DIAPH2: variants seen among roughly 807,000 people sequenced by gnomAD.
The protein encoded by DIAPH2 is protein diaphanous homolog 2.
DIAPH2 carries 35 observed loss-of-function variants against 92.7 expected under a neutral mutation model. The ratio of observed to expected loss-of-function variants is 0.38; its 90% CI spans 0.29 to 0.50. The LOEUF (loss-of-function observed/expected upper bound fraction) is 0.50, where lower values mean the gene tolerates loss of function less well. DIAPH2 is among the 20% of genes least tolerant of loss of function. The pLI is 0.94. For synonymous variants in DIAPH2, 301 were observed against 280.4 expected (o/e 1.07, Z -0.73); for missense variants, 701 against 819.5 (o/e 0.86, Z 1.77).
chrX:97,069,114 C>T (rs921422358), intron 17 of DIAPH2, among the ~76,000 whole-genome samples: 29 of 110,652 alleles, frequency 2.6e-4, no homozygotes, highest in Admixed American at 9.7e-4. Flanking sequence ...AGGCGCCCAC[C>T]ACCACGCCCG....
intron 23 of DIAPH2, among the ~76,000 whole-genome samples, chrX:97,248,934 T>G (rs1444496012): frequency 2.7e-5 from 3 of 111,938 alleles, no homozygotes; most frequent in African/African-American, 9.7e-5. Context: ...AGTACCTTCA[T>G]GAATACAAAT....
intron 17 of DIAPH2, among the ~76,000 whole-genome samples, chrX:97,010,760 T>G (rs2066219785): frequency 8.9e-6 from 1 of 112,206 alleles, no homozygotes. Flanking sequence ...ACAACTACGG[T>G]ATGATCTAAG....
intron 26 of DIAPH2, among the ~76,000 whole-genome samples, chrX:97,555,610 C>A (rs2071251671): frequency 9.0e-6 from 1 of 111,069 alleles, no homozygotes; most frequent in Admixed American, 9.6e-5. Context: ...TCAGGGAAAT[C>A]AATGTCAGTA....
intron 22 of DIAPH2, among the ~76,000 whole-genome samples, chrX:97,229,974 G>T (rs1275131759): frequency 2.3e-4 from 25 of 108,124 alleles, no homozygotes; most frequent in African/African-American, 7.7e-4. Flanking sequence ...TTAAGACAGG[G>T]TTTATAGAGA....
At chrX:96,704,493 TTCTC>T (rs759235125) in intron 1 of DIAPH2, among the ~76,000 whole-genome samples, 1 of 111,826 alleles carries the variant, frequency 8.9e-6, no homozygotes, top group East Asian at 2.8e-4. Flanking sequence ...GTTTATTTCT[TTCTC>T]AGTGACCTTC....
At chrX:97,570,921 T>G (rs1488700265) in intron 26 of DIAPH2, among the ~76,000 whole-genome samples, 3 of 111,920 alleles carry the variant, frequency 2.7e-5, no homozygotes, top group Admixed American at 1.9e-4. Flanking sequence ...ACTAATCAAT[T>G]TATAATCTGA....
chrX:96,885,302 ACT>A (rs1358920865), intron 5 of DIAPH2: 2 of 390,078 alleles, frequency 5.1e-6, no homozygotes, highest in Middle Eastern at 7.0e-4. Flanking sequence ...TAAATTGACA[ACT>A]CTGTAGGATT....
intron 25 of DIAPH2, among the ~76,000 whole-genome samples, chrX:97,425,155 G>A (rs191574431): frequency 9.0e-6 from 1 of 111,147 alleles, no homozygotes; most frequent in African/African-American, 3.3e-5. Context: ...CACTTGTGCT[G>A]TTGTCCTCAC....
At chrX:97,557,086 A>G (rs2147866777) in intron 26 of DIAPH2, among the ~76,000 whole-genome samples, 1 of 112,085 alleles carries the variant, frequency 8.9e-6, no homozygotes, top group Non-Finnish European at 1.9e-5. Flanking sequence ...AATATGTATA[A>G]AAACATGGTA....
chrX:96,724,007 A>G (rs1177607432), intron 1 of DIAPH2, among the ~76,000 whole-genome samples: 1 of 100,108 alleles, frequency 1.0e-5, no homozygotes, highest in Non-Finnish European at 2.0e-5. Flanking sequence ...CACTGCAACC[A>G]CTGCCTCCTG....
chrX:97,151,426 G>GT (rs1246703563), intron 22 of DIAPH2, among the ~76,000 whole-genome samples: 1 of 110,999 alleles, frequency 9.0e-6, no homozygotes, highest in Non-Finnish European at 1.9e-5. Context: ...GGCAGCTGCT[G>GT]TCAGAGTTAA....
chrX:96,873,491 T>A (rs12844749), intron 4 of DIAPH2, among the ~76,000 whole-genome samples: 21,016 of 109,104 alleles, frequency 0.19, 1,877 homozygotes, highest in East Asian at 0.36. Flanking sequence ...GGTTAGTGGT[T>A]GCTGGGGTGG....
At chrX:96,829,164 A>G (rs1263516060) in intron 4 of DIAPH2, among the ~76,000 whole-genome samples, 1 of 111,526 alleles carries the variant, frequency 9.0e-6, no homozygotes, top group East Asian at 2.8e-4. Flanking sequence ...GTCTGATAAA[A>G]CTATATATTG....
At chrX:97,467,700 T>C (rs769092716) in intron 26 of DIAPH2, among the ~76,000 whole-genome samples, 92 of 112,326 alleles carry the variant, frequency 8.2e-4, no homozygotes, top group African/African-American at 2.9e-3. Context: ...AATTTGCATA[T>C]ACACTTGTGG....
chrX:97,335,567 A>G (rs910485943), intron 23 of DIAPH2, among the ~76,000 whole-genome samples: 2 of 111,847 alleles, frequency 1.8e-5, no homozygotes, highest in Non-Finnish European at 3.8e-5. Context: ...AAACACAACT[A>G]TATGGCAATC....
At chrX:97,408,964 A>G (rs1403853036) in intron 25 of DIAPH2, among the ~76,000 whole-genome samples, 1 of 112,182 alleles carries the variant, frequency 8.9e-6, no homozygotes, top group Non-Finnish European at 1.9e-5. Context: ...ATACACATTG[A>G]ATCTTAGAAA....
intron 23 of DIAPH2, among the ~76,000 whole-genome samples, chrX:97,334,471 A>AC (rs1462063016): frequency 1.9e-3 from 127 of 67,095 alleles, no homozygotes; most frequent in Middle Eastern, 7.1e-3. Context: ...TCAAAAAAAA[A>AC]AAAAAAACAA....
chrX:97,478,818 A>AT (rs1219721505), intron 26 of DIAPH2, among the ~76,000 whole-genome samples: 5 of 111,399 alleles, frequency 4.5e-5, no homozygotes, highest in Admixed American at 9.5e-5. Flanking sequence ...ATTTCTTACC[A>AT]TTTTTTTCAG....
intron 23 of DIAPH2, among the ~76,000 whole-genome samples, chrX:97,340,349 G>A (rs759217561): frequency 3.6e-5 from 4 of 111,366 alleles, no homozygotes; most frequent in Admixed American, 9.6e-5. Flanking sequence ...CTGCCTGGCC[G>A]AGTCACACCA....
Sources: allele counts gnomAD v4.1 joint callset (sites outside exome capture counted in the v4.1 genomes callset), GRCh38; gene constraint gnomAD v4.1.1; transcripts MANE v1.5; gene names NCBI Gene and HGNC (gene_info 2026-07-23, HGNC 2026-07-21).